BBOX1: variants seen among roughly 807,000 people sequenced by gnomAD.
The protein encoded by BBOX1 is gamma-butyrobetaine dioxygenase.
Under a neutral mutation model 41.6 loss-of-function variants are expected in BBOX1, and 35 were observed. The observed-to-expected ratio is 0.84, with a 90% CI of 0.64 to 1.11. BBOX1 has a LOEUF of 1.11. Among genes scored for constraint, BBOX1 ranks in the 50% most tolerant of loss-of-function variants. The pLI, the probability that BBOX1 is intolerant of heterozygous loss-of-function variation, is 0.00. For synonymous variants in BBOX1, 163 were observed against 154.7 expected (o/e 1.05, Z -0.40); for missense variants, 458 against 460.6 (o/e 0.99, Z 0.05).
intron 4 of BBOX1, among the ~76,000 whole-genome samples, chr11:27,067,679 T>C (rs546931023): frequency 2.2e-5 from 3 of 136,630 alleles, no homozygotes; most frequent in Middle Eastern, 3.8e-3. Flanking sequence ...GAGAATTGCT[T>C]GAACCCAGGA....
At chr11:27,124,383 G>A (rs937389520) in intron 7 of BBOX1, among the ~76,000 whole-genome samples, 3 of 152,114 alleles carry the variant, frequency 2.0e-5, no homozygotes, top group South Asian at 2.1e-4. Flanking sequence ...CTTTAAGATC[G>A]TCTGAAGGTC....
chr11:27,076,846 T>C (rs2134006470), intron 4 of BBOX1, among the ~76,000 whole-genome samples: 1 of 152,226 alleles, frequency 6.6e-6, no homozygotes, highest in Middle Eastern at 3.4e-3. Context: ...GTGCAGAAAG[T>C]GGGGAGTAGC....
intron 2 of BBOX1, among the ~76,000 whole-genome samples, chr11:27,053,241 T>G (rs2133955907): frequency 6.6e-6 from 1 of 152,320 alleles, no homozygotes; most frequent in Non-Finnish European, 1.5e-5. Flanking sequence ...TTGAGTAAGT[T>G]TAACTTTATA....
intron 5 of BBOX1, among the ~76,000 whole-genome samples, chr11:27,094,474 T>A (rs1054326725): frequency 2.6e-5 from 4 of 151,894 alleles, no homozygotes; most frequent in African/African-American, 9.7e-5. Flanking sequence ...AACTGGGAGA[T>A]TTTACATTAC....
intron 4 of BBOX1, among the ~76,000 whole-genome samples, chr11:27,085,850 C>G (rs1331539613): frequency 6.6e-6 from 1 of 152,118 alleles, no homozygotes; most frequent in Non-Finnish European, 1.5e-5. Context: ...GAAAGTGCTA[C>G]TCCAGTAAAC....
intron 4 of BBOX1, among the ~76,000 whole-genome samples, chr11:27,089,229 C>T (rs370966720): frequency 3.3e-5 from 5 of 151,604 alleles, no homozygotes; most frequent in African/African-American, 9.7e-5. Flanking sequence ...GCCTCTGTTT[C>T]GCCAGCCAGA....
chr11:27,072,767 C>G (rs1176528196), intron 4 of BBOX1, among the ~76,000 whole-genome samples: 1 of 152,130 alleles, frequency 6.6e-6, no homozygotes, highest in Non-Finnish European at 1.5e-5. Flanking sequence ...AATAATACCA[C>G]ACATCTACAA....
chr11:27,080,726 C>T (rs1857806938), intron 4 of BBOX1, among the ~76,000 whole-genome samples: 2 of 152,010 alleles, frequency 1.3e-5, no homozygotes. Context: ...AAGTAAGAAT[C>T]AAAGTCACCA....
intron 4 of BBOX1, among the ~76,000 whole-genome samples, chr11:27,059,613 C>A (rs967739444): frequency 3.9e-5 from 6 of 152,270 alleles, no homozygotes; most frequent in Admixed American, 3.9e-4. Flanking sequence ...AGGCACTCAA[C>A]GACCTGTGAC....
At chr11:27,059,710 T>C (rs1227787077) in intron 4 of BBOX1, among the ~76,000 whole-genome samples, 1 of 152,222 alleles carries the variant, frequency 6.6e-6, no homozygotes, top group Non-Finnish European at 1.5e-5. Flanking sequence ...CATTGTGTCC[T>C]GGAGGCAAGA....
chr11:27,087,901 TAAAGTCCTGTA>T (rs1401557333), intron 4 of BBOX1, among the ~76,000 whole-genome samples: 2 of 152,074 alleles, frequency 1.3e-5, no homozygotes, highest in African/African-American at 4.8e-5. Flanking sequence ...ACTGTGATGG[TAAAGTCCTGTA>T]AAATCATAAT....
intron 2 of BBOX1, among the ~76,000 whole-genome samples, chr11:27,043,462 G>GCAGAATGTGCAGGTTTGGGGTACATGTA (rs1851402013): frequency 6.6e-6 from 1 of 152,140 alleles, no homozygotes; most frequent in African/African-American, 2.4e-5. Context: ...GGGTACACGT[G>GCAGAATGTGCAGGTTTGGGGTACATGTA]CAGAATGTGC....
rs1459422645 is a variant in BBOX1 at position 27,057,063 on chromosome 11, T to TAAAAAAAAAAAA, written c.220-138_220-137insAAAAAAAAAAAA. 6.6e-4 allele frequency: 99 copies of TAAAAAAAAAAAA among 149,790 alleles called. 14 individuals carry two copies. Among genetic ancestry groups the TAAAAAAAAAAAA allele is most frequent in the African/African-American group, 4.3e-3 (68 of 15,862 alleles). The allele number at this position is 149,790 out of a possible 1,614,324, so 9.3% of individuals were successfully genotyped here. A position where few individuals can be genotyped will look rare whatever the true frequency, so the allele number is the denominator to read the frequency against. On this transcript the variant is annotated intron_variant, in intron 3 of 8. Coordinates refer to ENST00000263182, the MANE Select transcript of BBOX1 (RefSeq NM_003986.3). The stretch of plus-strand genomic sequence containing the variant: ...CCTGGCAACAGAGGAAGACTCCGAC[T>TAAAAAAAAAAAA]TAAAAAAAAAAAAAAAAAAAAATTA...
chr11:27,083,264 G>T (rs574186950), intron 4 of BBOX1, among the ~76,000 whole-genome samples: 2 of 152,022 alleles, frequency 1.3e-5, no homozygotes, highest in Non-Finnish European at 2.9e-5. Context: ...TTCAGTGTTG[G>T]GCTACACAAG....
At chr11:27,125,627 T>G in intron 7 of BBOX1, 27 bp from the exon 8 acceptor site, 1 of 1,454,342 alleles carries the variant, frequency 6.9e-7, no homozygotes, top group Non-Finnish European at 9.2e-7. Flanking sequence ...ATGAATTATA[T>G]ATTAATTTTT....
Position 27,065,120 on chromosome 11 carries a change from G to A in BBOX1, c.334+7805G>A, listed in dbSNP as rs1857243809. Among the ~76,000 whole-genome samples the A allele has an allele frequency of 2.6e-5, 4 of 152,124 alleles. No homozygotes were observed. The South Asian group carries it at 8.3e-4, about 32-fold the overall frequency. ...AACTATAAATTAAATATCTCTCAAA[G>A]ACAGCTTAGCCTAAGCCCAGGAATG... On this transcript the variant is annotated intron_variant, in intron 4 of 8. Coordinates refer to ENST00000263182, the MANE Select transcript of BBOX1 (RefSeq NM_003986.3).
At position 27,066,809 on chromosome 11, in the gene BBOX1, C is replaced by T. The variant is rs111786497; in HGVS notation, c.334+9494C>T. The T allele has an allele frequency of 1.0e-4, 14 of 136,176 alleles. 2 individuals are homozygous for T. Among genetic ancestry groups the T allele is most frequent in the African/African-American group, 5.3e-4 (14 of 26,602 alleles). The allele number at this position is 136,176 out of a possible 1,614,324, so 8.4% of individuals were successfully genotyped here. On this transcript the variant is annotated intron_variant, in intron 4 of 8. Transcript: ENST00000263182. ...TACTATTGATTTGCCTAATTTCTGG[C>T]TTAGCAAATTAAATAAAAATGTTTA... is the stretch of plus-strand genomic sequence containing the variant.
intron 5 of BBOX1, among the ~76,000 whole-genome samples, chr11:27,106,396 T>A (rs1487907094): frequency 6.6e-6 from 1 of 151,862 alleles, no homozygotes; most frequent in Non-Finnish European, 1.5e-5. Context: ...TGGAGGAAGA[T>A]CTACCAGCAA....
At chr11:27,093,050 A>G (rs1858305729) in intron 4 of BBOX1, 118 bp from the exon 5 acceptor site, 1 of 1,012,434 alleles carries the variant, frequency 9.9e-7, no homozygotes, top group Non-Finnish European at 1.4e-6. Flanking sequence ...AATAACATTT[A>G]ATAAAGTCCA....
Sources: allele counts gnomAD v4.1 joint callset (sites outside exome capture counted in the v4.1 genomes callset), GRCh38; gene constraint gnomAD v4.1.1; transcripts MANE v1.5; gene names NCBI Gene and HGNC (gene_info 2026-07-23, HGNC 2026-07-21).